The following VWA8 variants were observed in gnomAD, a reference collection of about 807,000 sequenced individuals.
VWA8 encodes von Willebrand factor A domain-containing protein 8.
A neutral mutation model predicts 241.5 loss-of-function variants in VWA8; 221 were observed. The ratio of observed to expected loss-of-function variants is 0.91; its 90% CI spans 0.82 to 1.02. VWA8 has a LOEUF of 1.02. Among genes scored for constraint, VWA8 ranks in the 50% least tolerant of loss-of-function variants. VWA8 has a pLI of 0.00. For synonymous variants in VWA8, 852 were observed against 827.1 expected (o/e 1.03, Z -0.52); for missense variants, 2,322 against 2,328.7 (o/e 1.00, Z 0.06).
chr13:41,690,244 C>G lies in VWA8; in HGVS notation c.3898G>C (p.Glu1300Gln). 1 of 1,612,482 alleles carries G rather than the reference C, an allele frequency of 6.2e-7. No individual in the cohort carries two copies. The highest frequency in any genetic ancestry group is 8.5e-7 in the Non-Finnish European group (1 of 1,178,932). The change falls in exon 33 of 45, where the codon GAA becomes CAA. Residue 1300 changes from glutamate to glutamine, a missense_variant. Transcript: ENST00000379310. ...KYLLTKPAHI[E>Q]SEGSGVCQLY... ...TGGCAAACCCCACTACCCTCAGATT[C>G]GATGTGTGCAGGCTTAGTTAAAAGA...
chr13:41,674,253 G>A (rs1487567764), intron 36 of VWA8, among the ~76,000 whole-genome samples: 1 of 152,062 alleles, frequency 6.6e-6, no homozygotes, highest in Non-Finnish European at 1.5e-5. Flanking sequence ...CTTCTTCTAG[G>A]GGTTGGAGAA....
At chr13:41,601,865 C>A (rs1374422365) in intron 40 of VWA8, among the ~76,000 whole-genome samples, 2 of 152,048 alleles carry the variant, frequency 1.3e-5, no homozygotes, top group East Asian at 3.9e-4. Flanking sequence ...AATGAGTGGG[C>A]CTGAGGCTGT....
chr13:41,936,203 C>T lies in VWA8; in HGVS notation c.241+13733G>A, dbSNP rs1428148079. Among the ~76,000 whole-genome samples, 14 of 152,096 alleles carry T rather than the reference C, an allele frequency of 9.2e-5. No individual in the cohort carries two copies. The East Asian group carries it at 2.3e-3, about 25-fold the overall frequency. On this transcript the variant is annotated intron_variant, in intron 2 of 44. Coordinates refer to ENST00000379310, the MANE Select transcript of VWA8 (RefSeq NM_015058.2). ...GAAACTATATAGGTATTGGACATTACGATATTTTTTAATTTTGGCCCAAGT... is the reference window on the plus strand; with the variant it reads ...GAAACTATATAGGTATTGGACATTATGATATTTTTTAATTTTGGCCCAAGT...
At chr13:41,754,572 C>A (rs1238657394) in intron 21 of VWA8, among the ~76,000 whole-genome samples, 2 of 152,128 alleles carry the variant, frequency 1.3e-5, no homozygotes, top group Non-Finnish European at 2.9e-5. Context: ...GTATCCATTA[C>A]CTCAAGCATT....
chr13:41,927,335 C>T, intron 2 of VWA8: 1 of 529,320 alleles, frequency 1.9e-6, no homozygotes, highest in Non-Finnish European at 3.9e-6. Flanking sequence ...AGCACAACAG[C>T]TGGCACTTCT....
chr13:41,855,660 G>T (rs924820537), intron 12 of VWA8, among the ~76,000 whole-genome samples: 6 of 152,032 alleles, frequency 3.9e-5, no homozygotes, highest in African/African-American at 1.4e-4. Flanking sequence ...GTTGCCAGGG[G>T]CTGGGTTTGG....
intron 2 of VWA8, among the ~76,000 whole-genome samples, chr13:41,933,865 A>G (rs1877233704): frequency 6.6e-6 from 1 of 152,066 alleles, no homozygotes; most frequent in African/African-American, 2.4e-5. Flanking sequence ...ACATCTAGAA[A>G]AAAATGAGAA....
rs2045126406 is a variant in VWA8, at chr13:41,685,104, G to C, written c.4270C>G (p.Gln1424Glu). ...CCTGGGGGTAAAATCCTCACTACCT[G>C]ATTCGTATCTAAAAGAGTCACACAA... is the stretch of plus-strand genomic sequence containing the variant. ...SNCVTLLDTN[Q>E]VVRILPPGEV... The change falls in exon 35 of 45, where the codon CAG becomes GAG. Residue 1424 changes from glutamine to glutamate, a missense_variant. Coordinates refer to ENST00000379310, the MANE Select transcript of VWA8 (RefSeq NM_015058.2). The C allele has an allele frequency of 1.9e-6, 3 of 1,613,576 alleles. No homozygotes were observed. The highest frequency in any genetic ancestry group is 1.7e-4 in the Middle Eastern group (1 of 6,046).
At chr13:41,935,108 G>A (rs1464217794) in intron 2 of VWA8, among the ~76,000 whole-genome samples, 1 of 152,008 alleles carries the variant, frequency 6.6e-6, no homozygotes, top group Non-Finnish European at 1.5e-5. Flanking sequence ...AGTAATAACA[G>A]CCATACTGGA....
chr13:41,639,366 A>G (rs1288128801), intron 37 of VWA8, among the ~76,000 whole-genome samples: 1 of 152,168 alleles, frequency 6.6e-6, no homozygotes, highest in Non-Finnish European at 1.5e-5. Context: ...TTCTGCACAT[A>G]CCACCTCCCA....
chr13:41,749,461 TC>T (rs1198225294), intron 21 of VWA8, among the ~76,000 whole-genome samples: 1 of 147,208 alleles, frequency 6.8e-6, no homozygotes, highest in Non-Finnish European at 1.5e-5. Flanking sequence ...TCCTCAGGGA[TC>T]TAGAACTAGA....
chr13:41,787,407 T>G (rs772020011), intron 18 of VWA8, 30 bp downstream of exon 18: 21 of 1,508,730 alleles, frequency 1.4e-5, no homozygotes, highest in African/African-American at 5.5e-5. Context: ...ATTATTTCAC[T>G]TAAAAAAAAG....
At chr13:41,803,790 C>T (rs1870066437) in intron 17 of VWA8, among the ~76,000 whole-genome samples, 2 of 152,052 alleles carry the variant, frequency 1.3e-5, no homozygotes, top group South Asian at 4.1e-4. Flanking sequence ...TTCAAGATAA[C>T]ACAGAGAAGG....
intron 37 of VWA8, among the ~76,000 whole-genome samples, chr13:41,652,258 T>G (rs992844576): frequency 2.0e-5 from 3 of 152,226 alleles, no homozygotes; most frequent in African/African-American, 7.2e-5. Context: ...CCATTAAAAC[T>G]AATCTTTTGG....
intron 3 of VWA8, among the ~76,000 whole-genome samples, chr13:41,908,423 G>GATC (rs761080707): frequency 1.3e-5 from 2 of 151,238 alleles, no homozygotes; most frequent in Non-Finnish European, 3.0e-5. Flanking sequence ...AGTAAGCCGA[G>GATC]ATCACACCAT....
chr13:41,821,431 A>C (rs1870954574), intron 14 of VWA8, among the ~76,000 whole-genome samples: 1 of 152,170 alleles, frequency 6.6e-6, no homozygotes, highest in Non-Finnish European at 1.5e-5. Context: ...TTACATGGGA[A>C]GTCATTTCCT....
chr13:41,657,780 C>T (rs1486353623), intron 37 of VWA8, among the ~76,000 whole-genome samples: 3 of 152,236 alleles, frequency 2.0e-5, no homozygotes, highest in African/African-American at 4.8e-5. Flanking sequence ...TGAGCCACCG[C>T]GCCCGGCCAA....
intron 9 of VWA8, among the ~76,000 whole-genome samples, chr13:41,872,796 T>C (rs1461219568): frequency 6.6e-6 from 1 of 152,192 alleles, no homozygotes; most frequent in Non-Finnish European, 1.5e-5. Context: ...GTGGGCCCTT[T>C]TTTGGTTCCA....
chr13:41,938,821 T>C (rs1877468344), intron 2 of VWA8, among the ~76,000 whole-genome samples: 1 of 152,198 alleles, frequency 6.6e-6, no homozygotes, highest in Non-Finnish European at 1.5e-5. Context: ...GGTAACACTT[T>C]CCCAGTGAAG....
Sources: allele counts gnomAD v4.1 joint callset (sites outside exome capture counted in the v4.1 genomes callset), GRCh38; gene constraint gnomAD v4.1.1; transcripts MANE v1.5; gene names NCBI Gene and HGNC (gene_info 2026-07-23, HGNC 2026-07-21).